The following ZNF521 variants were observed in gnomAD, a reference collection of about 807,000 sequenced individuals.
ZNF521 encodes the protein zinc finger protein 521.
A neutral mutation model predicts 105.5 loss-of-function variants in ZNF521; 14 were observed. That is an observed-to-expected ratio of 0.13 (90% CI 0.09 to 0.21). The LOEUF is 0.21. Among genes scored for constraint, ZNF521 ranks in the 10% least tolerant of loss-of-function variants. ZNF521 has a pLI of 1.00. For synonymous variants in ZNF521, 635 were observed against 606.0 expected (o/e 1.05, Z -0.70); for missense variants, 1,233 against 1,629.7 (o/e 0.76, Z 4.19).
intron 2 of ZNF521, among the ~76,000 whole-genome samples, chr18:25,327,215 G>A (rs189253137): frequency 6.6e-6 from 1 of 152,256 alleles, no homozygotes; most frequent in African/African-American, 2.4e-5. Flanking sequence ...AATTAAAAAG[G>A]CATTATAACC....
At chr18:25,342,787 T>C (rs758804614) in intron 2 of ZNF521, among the ~76,000 whole-genome samples, 19 of 152,204 alleles carry the variant, frequency 1.2e-4, no homozygotes, top group Non-Finnish European at 2.2e-4. Flanking sequence ...ATAGTGGTAA[T>C]AAAAAGCATA....
chr18:25,142,602 CT>C (rs1164803422), intron 5 of ZNF521, among the ~76,000 whole-genome samples: 1 of 152,026 alleles, frequency 6.6e-6, no homozygotes, highest in Admixed American at 6.6e-5. Flanking sequence ...GCTACCAAGT[CT>C]TAGAATATCT....
At chr18:25,150,856 C>T (rs2144485592) in intron 5 of ZNF521, among the ~76,000 whole-genome samples, 1 of 151,660 alleles carries the variant, frequency 6.6e-6, no homozygotes, top group Admixed American at 6.6e-5. Flanking sequence ...CAATTCTACT[C>T]TCCAGCTGGC....
intron 2 of ZNF521, among the ~76,000 whole-genome samples, chr18:25,348,370 C>A (rs1156955050): frequency 6.6e-6 from 1 of 152,138 alleles, no homozygotes; most frequent in Non-Finnish European, 1.5e-5. Flanking sequence ...TTAACAAGAG[C>A]CACCCAGAAT....
At chr18:25,082,207 C>G (rs2033511160) in intron 7 of ZNF521, among the ~76,000 whole-genome samples, 1 of 152,178 alleles carries the variant, frequency 6.6e-6, no homozygotes, top group South Asian at 2.1e-4. Flanking sequence ...ACCACGTGCT[C>G]ATTTGACACA....
At chr18:25,187,993 G>A (rs767937446) in intron 5 of ZNF521, among the ~76,000 whole-genome samples, 19 of 152,122 alleles carry the variant, frequency 1.2e-4, no homozygotes, top group East Asian at 1.9e-4. Flanking sequence ...AATCACAGGC[G>A]GATTAAAGGG....
intron 7 of ZNF521, among the ~76,000 whole-genome samples, chr18:25,065,783 C>T (rs755545715): frequency 6.6e-5 from 10 of 152,118 alleles, no homozygotes; most frequent in South Asian, 4.1e-4. Context: ...TATCAAGATG[C>T]TACAAGAACC....
chr18:25,292,463 T>A (rs908857290), intron 3 of ZNF521, among the ~76,000 whole-genome samples: 1 of 152,202 alleles, frequency 6.6e-6, no homozygotes, highest in Non-Finnish European at 1.5e-5. Context: ...CTGGTATTTT[T>A]AAATCCTCCC....
intron 4 of ZNF521, among the ~76,000 whole-genome samples, chr18:25,218,482 T>TAA (rs35500329): frequency 3.3e-3 from 261 of 79,818 alleles, no homozygotes; most frequent in African/African-American, 9.5e-3. Flanking sequence ...TCGAGCCTAC[T>TAA]AAAAAAAAAA....
intron 3 of ZNF521, among the ~76,000 whole-genome samples, chr18:25,245,670 T>C (rs1907657504): frequency 6.6e-6 from 1 of 152,224 alleles, no homozygotes; most frequent in Non-Finnish European, 1.5e-5. Flanking sequence ...TCTTGGTTTT[T>C]TGTAAATATG....
At chr18:25,114,176 C>G (rs994213183) in intron 5 of ZNF521, among the ~76,000 whole-genome samples, 4 of 152,088 alleles carry the variant, frequency 2.6e-5, no homozygotes, top group African/African-American at 9.7e-5. Flanking sequence ...AAGAGGGTGG[C>G]AGCTTGAAAG....
At chr18:25,254,166 A>G (rs1161891562) in intron 3 of ZNF521, among the ~76,000 whole-genome samples, 5 of 152,128 alleles carry the variant, frequency 3.3e-5, no homozygotes, top group Non-Finnish European at 7.4e-5. Context: ...CTTCACCAGC[A>G]TATATGGATA....
chr18:25,267,853 A>C (rs1486107216), intron 3 of ZNF521, among the ~76,000 whole-genome samples: 1 of 152,210 alleles, frequency 6.6e-6, no homozygotes, highest in Non-Finnish European at 1.5e-5. Context: ...GAAAAATTCC[A>C]AAAACCAGAA....
At chr18:25,230,323 C>T (rs1457214468) in intron 3 of ZNF521, among the ~76,000 whole-genome samples, 1 of 152,174 alleles carries the variant, frequency 6.6e-6, no homozygotes, top group Non-Finnish European at 1.5e-5. Context: ...AATGTAAAAA[C>T]TCTCATTTGC....
chr18:25,222,242 T>C (rs1446479713), intron 4 of ZNF521, among the ~76,000 whole-genome samples: 1 of 152,192 alleles, frequency 6.6e-6, no homozygotes, highest in Non-Finnish European at 1.5e-5. Context: ...AGTATTATCC[T>C]ATGTAAGTGC....
intron 4 of ZNF521, among the ~76,000 whole-genome samples, chr18:25,210,540 A>T (rs926095420): frequency 6.6e-6 from 1 of 152,216 alleles, no homozygotes; most frequent in Non-Finnish European, 1.5e-5. Flanking sequence ...TCTTTATGAC[A>T]TGAAGTGCAT....
intron 5 of ZNF521, among the ~76,000 whole-genome samples, chr18:25,147,011 C>A (rs12959390): frequency 0.011 from 1,744 of 152,048 alleles, 33 homozygotes; most frequent in African/African-American, 0.04. Context: ...ATAGGATACA[C>A]GACCACAGGG....
At chr18:25,064,407 G>T (rs1381018730) in intron 7 of ZNF521, among the ~76,000 whole-genome samples, 1 of 152,220 alleles carries the variant, frequency 6.6e-6, no homozygotes, top group African/African-American at 2.4e-5. Context: ...ATGGGTCAGG[G>T]CAATGAAACA....
intron 3 of ZNF521, among the ~76,000 whole-genome samples, chr18:25,268,842 CCAT>C (rs1387871207): frequency 1.3e-5 from 2 of 152,140 alleles, no homozygotes; most frequent in Non-Finnish European, 2.9e-5. Flanking sequence ...ACTGTAAAGA[CCAT>C]CAACACTATG....
Sources: gnomAD v4.1 joint callset for allele counts (sites outside exome capture counted in the v4.1 genomes callset) on GRCh38, gnomAD v4.1.1 for gene constraint, MANE v1.5 for transcripts, NCBI Gene and HGNC (gene_info 2026-07-23, HGNC 2026-07-21) for gene names.